ADGRL1: variants seen among roughly 807,000 people sequenced by gnomAD.
The protein encoded by ADGRL1 is CIRL-1.
A neutral mutation model predicts 148.9 loss-of-function variants in ADGRL1; 31 were observed. That is an observed-to-expected ratio of 0.21 (90% CI 0.16 to 0.28). The LOEUF (loss-of-function observed/expected upper bound fraction) is 0.28. Among genes scored for constraint, ADGRL1 ranks in the 10% least tolerant of loss-of-function variants. The pLI is 1.00. For missense variants in ADGRL1, 1,521 were observed against 2,058.8 expected (o/e 0.74, Z 5.05); for synonymous variants, 937 against 900.3 (o/e 1.04, Z -0.73).
chr19:14,168,116 G>A (rs1481130613), intron 4 of ADGRL1, among the ~76,000 whole-genome samples: 2 of 151,740 alleles, frequency 1.3e-5, no homozygotes, highest in Non-Finnish European at 2.9e-5. Context: ...TGGGCCAGGT[G>A]GCTGCCCAGG....
intron 18 of ADGRL1, among the ~76,000 whole-genome samples, chr19:14,153,751 G>GTTT (rs1968452243): frequency 6.7e-6 from 1 of 149,280 alleles, no homozygotes; most frequent in Non-Finnish European, 1.5e-5. Context: ...AGGAGTTCGA[G>GTTT]ACCAGCCTGG....
At position 14,160,802 on chromosome 19, in the gene ADGRL1, C is replaced by G. The variant is rs1186318183; in HGVS notation, c.1511-106G>C. On this transcript the variant is annotated intron_variant, in intron 6 of 22. Transcript: ENST00000361434. This position sits in a 1 kb window ranked among gnomAD's most constrained non-coding sequence, Gnocchi z 5.9. ...TGACAGAGAGTGGGGGACGAGCGGG[C>G]GAAGAGGGAGGTGAGGGAAACACGG... 2.7e-6 allele frequency: 2 copies of G among 728,528 alleles called. No individual in the cohort carries two copies. Among genetic ancestry groups the G allele is most frequent in the African/African-American group, 3.4e-5 (2 of 58,042 alleles). The allele number at this position is 728,528 out of a possible 1,614,324, so 45.1% of individuals were successfully genotyped here.
intron 1 of ADGRL1, among the ~76,000 whole-genome samples, chr19:14,203,235 C>T (rs1485904840): frequency 6.6e-6 from 1 of 152,182 alleles, no homozygotes; most frequent in African/African-American, 2.4e-5. Flanking sequence ...AAGTGTCTGG[C>T]ATCTGGAAAT....
At position 14,157,586 on chromosome 19, in the gene ADGRL1, C is replaced by A; in HGVS notation, c.2536-126G>T. On this transcript the variant is annotated intron_variant, in intron 13 of 22. Coordinates refer to ENST00000361434, the MANE Select transcript of ADGRL1 (RefSeq NM_014921.5). The surrounding 1 kb of genome is among the most constrained non-coding windows in gnomAD (Gnocchi z 7.5). ...CGTGAGGACCTCTGGTGCCGCCAAC[C>A]TGGCAGCCCTCACCCCTCTGCACGC... 1 of 931,926 alleles carries A rather than the reference C, an allele frequency of 1.1e-6. No homozygotes were observed. The highest frequency in any genetic ancestry group is 2.2e-5 in the Admixed American group (1 of 44,796). 57.7% of individuals were successfully genotyped at this position (931,926 alleles called of 1,614,324 possible).
chr19:14,171,031 A>G (rs1970427601), intron 3 of ADGRL1: 1 of 464,030 alleles, frequency 2.2e-6, no homozygotes, highest in Non-Finnish European at 4.0e-6. Flanking sequence ...GGCAGTTTCT[A>G]ATGAATGGTT....
At chr19:14,170,838 T>TGGGGGG in intron 3 of ADGRL1, 47 bp from the exon 4 acceptor site, 1 of 369,234 alleles carries the variant, frequency 2.7e-6, no homozygotes, top group Non-Finnish European at 5.2e-6. Flanking sequence ...ATAGACGGGG[T>TGGGGGG]GGCGGGGGTG....
intron 4 of ADGRL1, chr19:14,168,719 C>T (rs1342382469): frequency 6.6e-6 from 1 of 152,192 alleles, no homozygotes; most frequent in Non-Finnish European, 1.5e-5. Flanking sequence ...CTTTATCTCA[C>T]CTGCCTCGGG....
Position 14,152,980 on chromosome 19 carries a change from C to T in ADGRL1, c.3295-68G>A. The T allele has an allele frequency of 6.3e-7, 1 of 1,577,224 alleles. No homozygotes were observed. Among genetic ancestry groups the T allele is most frequent in the Non-Finnish European group, 8.6e-7 (1 of 1,158,562 alleles). ...CTCTGTGATCCAGTCTCCCACAGGG[C>T]TGGTCACAAGACAGGCAGCCTTGGG... On this transcript the variant is annotated intron_variant, in intron 18 of 22. Transcript: ENST00000361434. The surrounding 1 kb of genome is among the most constrained non-coding windows in gnomAD (Gnocchi z 6.1).
chr19:14,174,891 G>T (rs1970714628), intron 3 of ADGRL1, among the ~76,000 whole-genome samples: 1 of 149,852 alleles, frequency 6.7e-6, no homozygotes, highest in South Asian at 2.1e-4. Context: ...ACCCAGGCTG[G>T]AGTGCAGTGG....
chr19:14,155,589 C>T lies in ADGRL1; in HGVS notation c.3126-62G>A. ...CGGAGGGGACGGCCTCAGCCCAGGC[C>T]TCCCCTGCAGCCTACAACGGGGGCC... On this transcript the variant is annotated intron_variant, in intron 17 of 22. Coordinates refer to ENST00000361434, the MANE Select transcript of ADGRL1 (RefSeq NM_014921.5). This position sits in a 1 kb window ranked among gnomAD's most constrained non-coding sequence, Gnocchi z 5.0. 6.4e-7 allele frequency: 1 copy of T among 1,564,296 alleles called. No homozygotes were observed. Among genetic ancestry groups the T allele is most frequent in the Non-Finnish European group, 8.7e-7 (1 of 1,143,828 alleles).
At chr19:14,180,105 G>A (rs546047065) in intron 2 of ADGRL1, among the ~76,000 whole-genome samples, 1 of 152,114 alleles carries the variant, frequency 6.6e-6, no homozygotes, top group African/African-American at 2.4e-5. Context: ...CAAGGCTTGG[G>A]GGAGCCTCTA....
At position 14,148,979 on chromosome 19, in the gene ADGRL1, G is replaced by C. The variant is rs368478686; in HGVS notation, c.*1894C>G. 6.5e-6 allele frequency: 1 copy of C among 152,880 alleles called. No individual in the cohort carries two copies. The highest frequency in any genetic ancestry group is 2.4e-5 in the African/African-American group (1 of 41,416). The allele number at this position is 152,880 out of a possible 1,614,324, so 9.5% of individuals were successfully genotyped here. ...TCATGGCAGCAGCAGGCTGAGACCC[G>C]AAGATGTTTGAAAACTCATGGCACT... On this transcript the variant is annotated 3_prime_UTR_variant, in exon 23 of 23. Coordinates refer to ENST00000361434, the MANE Select transcript of ADGRL1 (RefSeq NM_014921.5).
chr19:14,195,527 C>T (rs1024038613), intron 1 of ADGRL1, among the ~76,000 whole-genome samples: 1 of 152,020 alleles, frequency 6.6e-6, no homozygotes, highest in African/African-American at 2.4e-5. Flanking sequence ...ATGGTCTCCT[C>T]CCTTCCTGGC....
Position 14,161,474 on chromosome 19 carries a change from G to A in ADGRL1, c.1348C>T (p.Pro450Ser), listed in dbSNP as rs746057774. ...GAINQLGPDL[P>S]PATAPVPSTR... Reference sequence around the variant, plus strand: ...CTGGGGACTGGGGCTGTGGCTGGAGGCAGATCAGGTCCCAGCTGGTTGATG... The same window carrying A: ...CTGGGGACTGGGGCTGTGGCTGGAGACAGATCAGGTCCCAGCTGGTTGATG... Residue 450 changes from proline to serine, a missense_variant, in exon 6 of 23, where the codon CCT becomes TCT. Around this residue, in one of 8 missense-constraint regions of ADGRL1, gnomAD observed 270 missense variants for 320.4 expected, o/e 0.84. Transcript: ENST00000361434. This position sits in a 1 kb window ranked among gnomAD's most constrained non-coding sequence, Gnocchi z 4.4. 1.4e-6 allele frequency: 2 copies of A among 1,456,094 alleles called. No individual in the cohort carries two copies. The highest frequency in any genetic ancestry group is 1.8e-6 in the Non-Finnish European group (2 of 1,102,650). The allele number at this position is 1,456,094 out of a possible 1,614,324, so 90.2% of individuals were successfully genotyped here.
chr19:14,183,219 G>GAGAGAGAC (rs1555790261), intron 2 of ADGRL1, among the ~76,000 whole-genome samples: 2 of 150,882 alleles, frequency 1.3e-5, no homozygotes, highest in African/African-American at 4.9e-5. Context: ...GAGAGAGAGC[G>GAGAGAGAC]AGAGAGAGAC....
At chr19:14,201,094 A>G (rs1972572825) in intron 1 of ADGRL1, among the ~76,000 whole-genome samples, 1 of 152,120 alleles carries the variant, frequency 6.6e-6, no homozygotes, top group African/African-American at 2.4e-5. Context: ...AGTACAGAGG[A>G]CAGCCTCCCA....
intron 4 of ADGRL1, among the ~76,000 whole-genome samples, chr19:14,165,596 C>T (rs1437424361): frequency 6.6e-6 from 1 of 150,604 alleles, no homozygotes; most frequent in Non-Finnish European, 1.5e-5. Context: ...ACCCGCCCTG[C>T]CCTGGCCCTC....
chr19:14,156,756 G>A (rs780306252), intron 15 of ADGRL1, 32 bp from the exon 16 acceptor site: 2 of 1,569,896 alleles, frequency 1.3e-6, no homozygotes, highest in Middle Eastern at 1.7e-4. Context: ...GGTATAGAGA[G>A]AAGCCGAGGA....
chr19:14,151,945 A>C (rs1395003495), intron 22 of ADGRL1, among the ~76,000 whole-genome samples, 188 bp downstream of exon 22: 3 of 152,166 alleles, frequency 2.0e-5, no homozygotes, highest in African/African-American at 7.2e-5. Flanking sequence ...AGCACTTAAC[A>C]GCCCAAACTC....
Sources: allele counts gnomAD v4.1 joint callset (sites outside exome capture counted in the v4.1 genomes callset), GRCh38; gene constraint gnomAD v4.1.1; regional missense constraint gnomAD v4.1.1; non-coding constraint Gnocchi (gnomAD v3.1); transcripts MANE v1.5; gene names NCBI Gene and HGNC (gene_info 2026-07-23, HGNC 2026-07-21).